Variants in PCDHGA11 observed in about 807,000 individuals in gnomAD.
PCDHGA11 encodes protocadherin gamma subfamily A, 11.
Under a neutral mutation model 60.4 loss-of-function variants are expected in PCDHGA11, and 39 were observed. The ratio of observed to expected loss-of-function variants is 0.65; its 90% confidence interval spans 0.50 to 0.84. PCDHGA11 has a LOEUF of 0.84. PCDHGA11 is among the 40% of genes least tolerant of loss of function. The pLI, the probability that PCDHGA11 is intolerant of heterozygous loss-of-function variation, is 0.00. For synonymous variants in PCDHGA11, 533 were observed against 510.3 expected (o/e 1.04, Z -0.60); for missense variants, 1,165 against 1,197.7 (o/e 0.97, Z 0.40).
chr5:141,432,991 C>G lies in PCDHGA11; in HGVS notation c.2433+9331C>G, dbSNP rs1269992849. ...CGGCGTCGCACTTTGTGGGCGTGGACGGGGTGCAGGCTTTCCTGCAGACCT... is the reference window on the plus strand; with the variant it reads ...CGGCGTCGCACTTTGTGGGCGTGGAGGGGGTGCAGGCTTTCCTGCAGACCT... On this transcript the variant is annotated intron_variant, in intron 1 of 3. Transcript: ENST00000398587. The surrounding 1 kb of genome is among the most constrained non-coding windows in gnomAD (Gnocchi z 6.0). The G allele has an allele frequency of 6.2e-7, 1 of 1,614,200 alleles. No homozygotes were observed. Among genetic ancestry groups the G allele is most frequent in the Admixed American group, 1.7e-5 (1 of 60,032 alleles).
At chr5:141,507,831 T>C (rs2099864030) in intron 3 of PCDHGA11, among the ~76,000 whole-genome samples, 1 of 152,134 alleles carries the variant, frequency 6.6e-6, no homozygotes, top group African/African-American at 2.4e-5. Context: ...GTGGAGGTGG[T>C]GGGTCAGGCC....
intron 1 of PCDHGA11, among the ~76,000 whole-genome samples, chr5:141,450,782 C>G (rs1012152203): frequency 6.6e-6 from 1 of 151,236 alleles, no homozygotes; most frequent in Non-Finnish European, 1.5e-5. Context: ...CCACCGTGCC[C>G]GGACCTCATG....
rs141605264 is a variant in PCDHGA11, at chr5:141,479,755, A to C, written c.2434-15052A>C. The C allele has an allele frequency of 2.6e-3, 390 of 152,364 alleles. 2 individuals are homozygous for C. The highest frequency in any genetic ancestry group is 9.1e-3 in the African/African-American group (378 of 41,580). 9.4% of individuals were successfully genotyped at this position (152,364 alleles called of 1,614,324 possible). On this transcript the variant is annotated intron_variant, in intron 1 of 3. Coordinates refer to ENST00000398587, the MANE Select transcript of PCDHGA11 (RefSeq NM_018914.3). ...AGTATATGCACAATGTGAAAGGTAG[A>C]TAAATTCATATCCTTAGACAGGTAA...
At position 141,421,523 on chromosome 5, in the gene PCDHGA11, C is replaced by G; in HGVS notation, c.296C>G (p.Thr99Arg). The change falls in exon 1 of 4, where the codon ACG becomes AGG. Residue 99 changes from threonine (T) to arginine (R), a missense_variant. Physicochemically the swap from Thr to Arg is moderately conservative, Grantham distance 71. Coordinates refer to ENST00000398587, the MANE Select transcript of PCDHGA11 (RefSeq NM_018914.3). The stretch of plus-strand genomic sequence containing the variant: ...ATAGACCGGGAGGAGCTCTGTGAGA[C>G]GGTGTCCTCCTGTTTTTTAAATATG... ...GRIDREELCE[T>R]VSSCFLNMEL... 6.2e-7 allele frequency: 1 copy of G among 1,614,034 alleles called. No individual in the cohort carries two copies. The highest frequency in any genetic ancestry group is 8.5e-7 in the Non-Finnish European group (1 of 1,179,892).
rs1562052190 is a variant in PCDHGA11, at chr5:141,476,218, CTA to C, written c.2434-18587_2434-18586del. The C allele has an allele frequency of 6.2e-7, 1 of 1,613,984 alleles. No individual in the cohort carries two copies. The highest frequency in any genetic ancestry group is 8.5e-7 in the Non-Finnish European group (1 of 1,180,024). ...TGAACAAGGCTTCCACGGTCATTCA[CTA>C]TGAGATCCCGGAGGAAAGAGAGAAG... On this transcript the variant is annotated intron_variant, in intron 1 of 3. Coordinates refer to ENST00000398587, the MANE Select transcript of PCDHGA11 (RefSeq NM_018914.3). This position sits in a 1 kb window ranked among gnomAD's most constrained non-coding sequence, Gnocchi z 7.6.
In PCDHGA11 at chr5:141,422,632, G is replaced by T. The variant is rs199543811; in HGVS notation, c.1405G>T (p.Gly469Cys). ...SAYIPENNPR[G>C]ASIFSVTALD... ...CTACATTCCCGAAAACAACCCCAGGGGTGCCTCCATCTTCTCAGTGACCGC... is the reference window on the plus strand; with the variant it reads ...CTACATTCCCGAAAACAACCCCAGGTGTGCCTCCATCTTCTCAGTGACCGC... The change falls in exon 1 of 4, where the codon GGT (glycine) becomes TGT (cysteine). Residue 469 changes from glycine to cysteine, a missense_variant. Gly to Cys is a radical substitution (Grantham distance 159). Coordinates refer to ENST00000398587, the MANE Select transcript of PCDHGA11 (RefSeq NM_018914.3). 4,245 of 1,613,132 alleles carry T rather than the reference G, an allele frequency of 2.6e-3. 5 individuals carry two copies. The highest frequency in any genetic ancestry group is 3.2e-3 in the Admixed American group (193 of 59,948).
chr5:141,431,674 G>A lies in PCDHGA11; in HGVS notation c.2433+8014G>A, dbSNP rs756385496. ...ATTCAGGGACAATATCAACAATAGG[G>A]GAGTTGGACCACGAGGAGTCAGGAT... On this transcript the variant is annotated intron_variant, in intron 1 of 3. Transcript: ENST00000398587. The surrounding 1 kb of genome is among the most constrained non-coding windows in gnomAD (Gnocchi z 4.8). 4 of 1,614,234 alleles carry A rather than the reference G, an allele frequency of 2.5e-6. No individual in the cohort carries two copies. The Admixed American group carries it at 6.7e-5, about 27-fold the overall frequency.
intron 1 of PCDHGA11, among the ~76,000 whole-genome samples, chr5:141,452,401 G>C (rs2098740635): frequency 6.6e-6 from 1 of 152,134 alleles, no homozygotes. Flanking sequence ...CTAAGATCTG[G>C]GTGTGAGGTA....
intron 3 of PCDHGA11, 69 bp from the exon 4 acceptor site, chr5:141,510,878 G>A (rs896348248): frequency 6.2e-7 from 1 of 1,610,438 alleles, no homozygotes; most frequent in African/African-American, 1.3e-5. Context: ...TTAACTGCTG[G>A]GGATATAAGA....
intron 1 of PCDHGA11, among the ~76,000 whole-genome samples, chr5:141,429,535 T>TG (rs1278730394): frequency 2.0e-5 from 3 of 152,168 alleles, no homozygotes; most frequent in Non-Finnish European, 4.4e-5. Flanking sequence ...CTTAAAAAAA[T>TG]AAGAACATGG....
At position 141,485,681 on chromosome 5, in the gene PCDHGA11, T is replaced by A; in HGVS notation, c.2434-9126T>A. The A allele has an allele frequency of 6.2e-7, 1 of 1,614,074 alleles. No homozygotes were observed. The highest frequency in any genetic ancestry group is 8.5e-7 in the Non-Finnish European group (1 of 1,179,966). ...TGTGGGGAGCAATTCGATTAGCAGC[T>A]ATAGGCTGAGCTCCAATGAACACTT... On this transcript the variant is annotated intron_variant, in intron 1 of 3. Transcript: ENST00000398587. The surrounding 1 kb of genome is among the most constrained non-coding windows in gnomAD (Gnocchi z 5.7).
At chr5:141,470,173 A>G (rs527296791) in intron 1 of PCDHGA11, among the ~76,000 whole-genome samples, 1 of 152,342 alleles carries the variant, frequency 6.6e-6, no homozygotes, top group South Asian at 2.1e-4. Context: ...AAGTATGCAA[A>G]ATATTCAAGT....
At chr5:141,483,648 T>TTGTGTG (rs111458813) in intron 1 of PCDHGA11, among the ~76,000 whole-genome samples, 20,229 of 149,628 alleles carry the variant, frequency 0.14, 2,147 homozygotes, top group African/African-American at 0.31. Context: ...GGGTGTGTGT[T>TTGTGTG]TGTGTGTGTG....
intron 1 of PCDHGA11, among the ~76,000 whole-genome samples, chr5:141,438,019 G>A (rs1031334687): frequency 1.3e-5 from 2 of 152,104 alleles, no homozygotes; most frequent in Non-Finnish European, 2.9e-5. Context: ...GAGATTACAG[G>A]TGTGAGCCAC....
At chr5:141,430,781 C>G in intron 1 of PCDHGA11, 8 of 1,510,922 alleles carry the variant, frequency 5.3e-6, no homozygotes, top group Non-Finnish European at 7.1e-6. Context: ...GCGACTGCAC[C>G]GGGACTACAA....
rs1251686604 is a variant in PCDHGA11 at position 141,485,257 on chromosome 5, T to C, written c.2434-9550T>C. ...TCTTTTACCACCTGGGTTACGTTTG[T>C]GGGCAGATCCGCTACCCGGTCCCAG... is the stretch of plus-strand genomic sequence containing the variant. On this transcript the variant is annotated intron_variant, in intron 1 of 3. Coordinates refer to ENST00000398587, the MANE Select transcript of PCDHGA11 (RefSeq NM_018914.3). This position sits in a 1 kb window ranked among gnomAD's most constrained non-coding sequence, Gnocchi z 5.7. The C allele has an allele frequency of 6.2e-7, 1 of 1,614,154 alleles. No homozygotes were observed.
rs775012950 is a variant in PCDHGA11, at chr5:141,428,225, A to T, written c.2433+4565A>T. On this transcript the variant is annotated intron_variant, in intron 1 of 3. Coordinates refer to ENST00000398587, the MANE Select transcript of PCDHGA11 (RefSeq NM_018914.3). ...GCTACGCTTCACCTAGTCTTCGCAG[A>T]CAGCCTGCAGGAGGCACTGCCAGAC... is the stretch of plus-strand genomic sequence containing the variant. 19 of 1,156,574 alleles carry T rather than the reference A, an allele frequency of 1.6e-5. No homozygotes were observed. In the Admixed American group the frequency reaches 3.1e-4, roughly 19 times the overall value. 71.6% of individuals were successfully genotyped at this position (1,156,574 alleles called of 1,614,324 possible).
In PCDHGA11 at chr5:141,486,194, C is replaced by A. The variant is rs1248456800; in HGVS notation, c.2434-8613C>A. The A allele has an allele frequency of 6.2e-7, 1 of 1,614,196 alleles. No individual in the cohort carries two copies. Among genetic ancestry groups the A allele is most frequent in the Non-Finnish European group, 8.5e-7 (1 of 1,180,026 alleles). ...ACATTGCAGCCTTCGAGTGGATCTG[C>A]TGGACGTAAATGACAATGCCCCTTA... On this transcript the variant is annotated intron_variant, in intron 1 of 3. Transcript: ENST00000398587. The surrounding 1 kb of genome is among the most constrained non-coding windows in gnomAD (Gnocchi z 5.0).
Position 141,489,948 on chromosome 5 carries a change from T to G in PCDHGA11, c.2434-4859T>G. The G allele has an allele frequency of 6.2e-7, 1 of 1,614,210 alleles. No homozygotes were observed. Among genetic ancestry groups the G allele is most frequent in the Non-Finnish European group, 8.5e-7 (1 of 1,180,030 alleles). ...TCTCTGTCATCGTGCTGGACATCAA[T>G]GATAATGCTCCAACCTTCCAATCCT... On this transcript the variant is annotated intron_variant, in intron 1 of 3. Transcript: ENST00000398587. The surrounding 1 kb of genome is among the most constrained non-coding windows in gnomAD (Gnocchi z 4.5).
Sources: gnomAD v4.1 joint callset for allele counts (sites outside exome capture counted in the v4.1 genomes callset) on GRCh38, gnomAD v4.1.1 for gene constraint, Gnocchi (gnomAD v3.1) non-coding constraint, MANE v1.5 for transcripts, NCBI Gene and HGNC (gene_info 2026-07-23, HGNC 2026-07-21) for gene names.